The following CCDC88C variants were observed in gnomAD, a reference collection of about 807,000 sequenced individuals.
CCDC88C encodes coiled-coil and HOOK domain protein 88C, also known as protein Daple.
Under a neutral mutation model 198.8 loss-of-function variants are expected in CCDC88C, and 131 were observed. The ratio of observed to expected loss-of-function variants is 0.66; its 90% CI spans 0.57 to 0.76. CCDC88C has a LOEUF of 0.76. Among genes scored for constraint, CCDC88C ranks in the 30% least tolerant of loss-of-function variants. The pLI is 0.00. For synonymous variants in CCDC88C, 1,166 were observed against 1,114.7 expected, an observed-to-expected ratio of 1.05 and a Z score of -0.92; for missense variants, 2,553 against 2,631.6, an observed-to-expected ratio of 0.97 and a Z score of 0.65.
At chr14:91,414,592 A>G (rs1399320249) in intron 2 of CCDC88C, among the ~76,000 whole-genome samples, 2 of 152,144 alleles carry the variant, frequency 1.3e-5, no homozygotes, top group Non-Finnish European at 2.9e-5. Flanking sequence ...CAAAAACACT[A>G]TTCTGACTTC....
In CCDC88C at chr14:91,272,839, G is replaced by A; in HGVS notation, c.5873C>T (p.Ala1958Val). 6.3e-7 allele frequency: 1 copy of A among 1,593,566 alleles called. No individual in the cohort carries two copies. The highest frequency in any genetic ancestry group is 1.1e-5 in the South Asian group (1 of 89,898). The change falls in exon 30 of 30, where the codon GCA becomes GTA. Residue 1958 changes from alanine to valine, a missense_variant. Physicochemically the swap from Ala to Val is moderately conservative, Grantham distance 64. This residue lies in a region of CCDC88C where 1,293 missense variants were observed against 1,219.6 expected (regional missense o/e 1.06). Coordinates refer to ENST00000389857, the MANE Select transcript of CCDC88C (RefSeq NM_001080414.4). Reference protein sequence around the residue: ...GEVATITPVRAGLSLSEGDGV... With the variant: ...GEVATITPVRVGLSLSEGDGV... Reference sequence around the variant, plus strand: ...GTCTCCCTCTGAGAGGCTGAGCCCTGCCCGGACAGGGGTGATGGTGGCCAC... The same window carrying A: ...GTCTCCCTCTGAGAGGCTGAGCCCTACCCGGACAGGGGTGATGGTGGCCAC...
intron 21 of CCDC88C, among the ~76,000 whole-genome samples, chr14:91,298,065 C>T (rs924486992): frequency 6.6e-6 from 1 of 152,196 alleles, no homozygotes; most frequent in Non-Finnish European, 1.5e-5. Context: ...TATCAGAAAG[C>T]TCATTACCAG....
At chr14:91,328,049 G>T (rs1227337506) in intron 10 of CCDC88C, among the ~76,000 whole-genome samples, 1 of 152,194 alleles carries the variant, frequency 6.6e-6, no homozygotes, top group South Asian at 2.1e-4. Flanking sequence ...GGACTGTTGT[G>T]CTTTTGCTCT....
At position 91,313,461 on chromosome 14, in the gene CCDC88C, C is replaced by T. The variant is rs759643247; in HGVS notation, c.2355G>A (p.Leu785=). Residue 785 remains leucine (L), a synonymous_variant, in exon 15 of 30, where the codon TTG becomes TTA. Transcript: ENST00000389857. The surrounding 1 kb of genome is among the most constrained non-coding windows in gnomAD (Gnocchi z 5.2). ...LESSSHKTQT[L]ESELGELEAE... ...CCTCCAGCTCGCCCAGCTCACTCTCCAAGGTCTGCGTCTTGTGGCTGCTGC... is the reference window on the plus strand; with the variant it reads ...CCTCCAGCTCGCCCAGCTCACTCTCTAAGGTCTGCGTCTTGTGGCTGCTGC... The T allele has an allele frequency of 6.2e-7, 1 of 1,607,802 alleles. No homozygotes were observed. The highest frequency in any genetic ancestry group is 1.1e-5 in the South Asian group (1 of 91,086).
At chr14:91,286,045 T>C (rs1488771920) in intron 25 of CCDC88C, among the ~76,000 whole-genome samples, 1 of 152,206 alleles carries the variant, frequency 6.6e-6, no homozygotes, top group Non-Finnish European at 1.5e-5. Context: ...ACTCAATTAA[T>C]TTAAAGGCAC....
In CCDC88C at chr14:91,305,797, T is replaced by C. The variant is rs761348541; in HGVS notation, c.3325A>G (p.Thr1109Ala). 5.0e-6 allele frequency: 8 copies of C among 1,613,258 alleles called. No homozygotes were observed. The Admixed American group carries it at 1.3e-4, about 27-fold the overall frequency. ...KQSAFLQEHN[T>A]TLQTQTAKLQ... ...TTGGCGGTCTGGGTCTGCAGTGTGG[T>C]GTTGTGCTCCTGCAGGAAGGCGCTC... Residue 1109 changes from threonine (T) to alanine (A), a missense_variant, in exon 19 of 30, where the codon ACC (threonine) becomes GCC (alanine). By Grantham distance (58) the Thr-to-Ala change is moderately conservative. This residue lies in a region of CCDC88C where 1,260 missense variants were observed against 1,412.0 expected (regional missense o/e 0.89). Transcript: ENST00000389857.
rs112211533 is a variant in CCDC88C at position 91,300,084 on chromosome 14, G to A, written c.3636-14C>T. The A allele has an allele frequency of 2.9e-3, 4,692 of 1,604,306 alleles. 119 individuals carry two copies. The African/African-American group carries it at 0.055, about 19-fold the overall frequency. ...ATGTCACCGTGCCTGTTGGAGGGAA[G>A]CACCTGCCGTGAGTCTGGCCAGGGC... On this transcript the variant is annotated splice_polypyrimidine_tract_variant and intron_variant, in intron 20 of 29. Transcript: ENST00000389857.
intron 23 of CCDC88C, 57 bp from the exon 24 acceptor site, chr14:91,291,141 T>A (rs1281264746): frequency 9.7e-7 from 1 of 1,026,576 alleles, no homozygotes; most frequent in Admixed American, 2.0e-5. Context: ...AACAAGTGAA[T>A]TTACTCATCG....
Position 91,313,449 on chromosome 14 carries a change from C to T in CCDC88C, c.2367G>A (p.Leu789=), listed in dbSNP as rs748752355. ...CCTGGCGCTCAGCCTCCAGCTCGCC[C>T]AGCTCACTCTCCAAGGTCTGCGTCT... is the stretch of plus-strand genomic sequence containing the variant. ...SHKTQTLESE[L]GELEAERQAL... is the part of the protein sequence containing the mutation. Residue 789 remains leucine, a synonymous_variant, in exon 15 of 30, where the codon CTG becomes CTA. Transcript: ENST00000389857. This position sits in a 1 kb window ranked among gnomAD's most constrained non-coding sequence, Gnocchi z 5.2. The T allele has an allele frequency of 1.2e-6, 2 of 1,607,604 alleles. No individual in the cohort carries two copies. Among genetic ancestry groups the T allele is most frequent in the Non-Finnish European group, 1.7e-6 (2 of 1,179,634 alleles).
At chr14:91,289,501 A>G (rs1388325867) in intron 24 of CCDC88C, among the ~76,000 whole-genome samples, 158 bp from the exon 25 acceptor site, 2 of 152,114 alleles carry the variant, frequency 1.3e-5, no homozygotes, top group East Asian at 3.9e-4. Flanking sequence ...CATGGTAATC[A>G]TATTTGGGGC....
chr14:91,367,569 C>T (rs754496040), intron 3 of CCDC88C, among the ~76,000 whole-genome samples: 2 of 152,084 alleles, frequency 1.3e-5, no homozygotes, highest in African/African-American at 2.4e-5. Context: ...CACCTTGCAG[C>T]GAGCAGAGAA....
intron 19 of CCDC88C, among the ~76,000 whole-genome samples, chr14:91,304,825 T>C (rs904271348): frequency 6.6e-6 from 1 of 152,222 alleles, no homozygotes; most frequent in Non-Finnish European, 1.5e-5. Context: ...GTAAGAAAAA[T>C]TCAAAATAGT....
rs200543687 is a variant in CCDC88C at position 91,273,470 on chromosome 14, C to T, written c.5242G>A (p.Gly1748Arg). Residue 1748 changes from glycine (G) to arginine (R), a missense_variant, in exon 30 of 30, where the codon GGG becomes AGG. Gly to Arg is a moderately radical substitution (Grantham distance 125). This residue lies in a region of CCDC88C where 1,293 missense variants were observed against 1,219.6 expected (regional missense o/e 1.06). Coordinates refer to ENST00000389857, the MANE Select transcript of CCDC88C (RefSeq NM_001080414.4). This position sits in a 1 kb window ranked among gnomAD's most constrained non-coding sequence, Gnocchi z 5.6. ...PTSEGRPLKP[G>R]QYVKPNFRLT... ...CTGAAGTTTGGCTTTACGTACTGCC[C>T]GGGCTTCAGCGGCCTCCCCTCCGAG... is the stretch of plus-strand genomic sequence containing the variant. The T allele has an allele frequency of 4.7e-4, 744 of 1,571,570 alleles. 4 individuals are homozygous for T. In the African/African-American group the frequency reaches 6.4e-3, roughly 13 times the overall value.
At chr14:91,382,354 T>A (rs1884858327) in intron 3 of CCDC88C, among the ~76,000 whole-genome samples, 1 of 152,070 alleles carries the variant, frequency 6.6e-6, no homozygotes, top group South Asian at 2.1e-4. Context: ...AGAGACCCTT[T>A]CAACATGGCG....
intron 3 of CCDC88C, among the ~76,000 whole-genome samples, chr14:91,404,869 G>A (rs1886396331): frequency 6.6e-6 from 1 of 151,710 alleles, no homozygotes; most frequent in South Asian, 2.1e-4. Context: ...GGAGGCTGAG[G>A]CAGGAGAATG....
intron 4 of CCDC88C, among the ~76,000 whole-genome samples, chr14:91,350,461 C>G (rs528761880): frequency 1.3e-5 from 2 of 152,302 alleles, no homozygotes; most frequent in South Asian, 2.1e-4. Context: ...CATGCCCAGA[C>G]AGAAGACACT....
At chr14:91,291,998 C>T (rs1032717416) in intron 23 of CCDC88C, among the ~76,000 whole-genome samples, 3 of 152,152 alleles carry the variant, frequency 2.0e-5, no homozygotes. Context: ...CATGCCTCAG[C>T]GCTGGGTGGT....
intron 19 of CCDC88C, among the ~76,000 whole-genome samples, chr14:91,304,502 C>A (rs1891476927): frequency 6.6e-6 from 1 of 152,186 alleles, no homozygotes. Flanking sequence ...GGCAGGAGGA[C>A]TGCTTGAGCC....
chr14:91,311,891 C>T (rs775337827), intron 15 of CCDC88C, among the ~76,000 whole-genome samples: 2 of 151,172 alleles, frequency 1.3e-5, no homozygotes, highest in African/African-American at 4.9e-5. Flanking sequence ...TCTATGTATA[C>T]AAGGATGTCT....
Sources: gnomAD v4.1 joint callset for allele counts (sites outside exome capture counted in the v4.1 genomes callset) on GRCh38, gnomAD v4.1.1 for gene constraint, gnomAD v4.1.1 regional missense constraint, Gnocchi (gnomAD v3.1) non-coding constraint, MANE v1.5 for transcripts, NCBI Gene and HGNC (gene_info 2026-07-23, HGNC 2026-07-21) for gene names.